The following OR1J2 variants were observed in gnomAD, a reference collection of about 807,000 sequenced individuals.
The protein encoded by OR1J2 is olfactory receptor 1J2.
For synonymous variants in OR1J2, 142 were observed against 99.7 expected (o/e 1.42, Z -2.52); for missense variants, 304 against 246.1 (o/e 1.24, Z -1.57).
the OR1J2 span, among the ~76,000 whole-genome samples, chr9:122,524,076 CATAATG>C: frequency 1.3e-5 from 2 of 152,286 alleles, no homozygotes; most frequent in African/African-American, 4.8e-5. Flanking sequence ...TCATGTGCCT[CATAATG>C]ATGTTTTGGT....
chr9:122,473,493 T>G, the OR1J2 span, among the ~76,000 whole-genome samples: 1 of 152,332 alleles, frequency 6.6e-6, no homozygotes, highest in Middle Eastern at 3.4e-3. Context: ...TGACCCCTGG[T>G]TTAATCCTGC....
chr9:122,489,479 G>A, the OR1J2 span, among the ~76,000 whole-genome samples: 2 of 151,960 alleles, frequency 1.3e-5, no homozygotes, highest in Admixed American at 6.6e-5. Flanking sequence ...ATGAAGCTTC[G>A]GTGCTAGGGT....
At chr9:122,538,169 C>A in the OR1J2 span, among the ~76,000 whole-genome samples, 1 of 150,720 alleles carries the variant, frequency 6.6e-6, no homozygotes, top group South Asian at 2.2e-4. Context: ...CCTGCCCCTG[C>A]CTGGTACAAG....
chr9:122,447,585 A>G, the OR1J2 span: 1 of 152,032 alleles, frequency 6.6e-6, no homozygotes, highest in South Asian at 2.1e-4. Flanking sequence ...CAGGAGAGAC[A>G]CTAGACTTTC....
the OR1J2 span, among the ~76,000 whole-genome samples, chr9:122,459,960 C>T: frequency 6.6e-6 from 1 of 151,932 alleles, no homozygotes. Flanking sequence ...AAAACCCATA[C>T]TTATTTTTGC....
chr9:122,505,658 C>T, the OR1J2 span, among the ~76,000 whole-genome samples: 1 of 152,160 alleles, frequency 6.6e-6, no homozygotes, highest in Non-Finnish European at 1.5e-5. Context: ...GCTATAAATA[C>T]TTCTTTATTT....
At chr9:122,512,749 T>A (rs1828654931), downstream of OR1J2, among the ~76,000 whole-genome samples, 2 of 152,150 alleles carry the variant, frequency 1.3e-5, no homozygotes, top group African/African-American at 2.4e-5. Context: ...AAGCCAAAGT[T>A]TGGAAAAAAA....
chr9:122,577,537 G>GAAACAAGTAATTAATGA, the OR1J2 span, among the ~76,000 whole-genome samples: 2 of 152,080 alleles, frequency 1.3e-5, no homozygotes, highest in Non-Finnish European at 2.9e-5. Context: ...GTAAGCATGT[G>GAAACAAGTAATTAATGA]AACAAGTAAT....
chr9:122,477,091 G>T, the OR1J2 span: 1 of 1,613,410 alleles, frequency 6.2e-7, no homozygotes, highest in Non-Finnish European at 8.5e-7. Context: ...AGTGACTGCT[G>T]TGTATATCAC....
At chr9:122,512,080 CACA>C (rs1042532777), downstream of OR1J2, among the ~76,000 whole-genome samples, 1 of 152,174 alleles carries the variant, frequency 6.6e-6, no homozygotes, top group African/African-American at 2.4e-5. Context: ...CAGGCTTTAA[CACA>C]ACATAGAATT....
chr9:122,550,755 T>C, the OR1J2 span, among the ~76,000 whole-genome samples: 1 of 151,836 alleles, frequency 6.6e-6, no homozygotes, highest in Admixed American at 6.6e-5. Context: ...TACCTAAATA[T>C]AATAAAAGCC....
At chr9:122,499,849 C>A in the OR1J2 span, among the ~76,000 whole-genome samples, 1 of 152,154 alleles carries the variant, frequency 6.6e-6, no homozygotes, top group Non-Finnish European at 1.5e-5. Context: ...GCACCACGAT[C>A]TCAGGGGAGC....
chr9:122,471,066 G>A, the OR1J2 span, among the ~76,000 whole-genome samples: 3 of 152,166 alleles, frequency 2.0e-5, no homozygotes, highest in Non-Finnish European at 4.4e-5. Flanking sequence ...AAACTTTGGG[G>A]GACTGTAGGG....
chr9:122,480,758 C>T, the OR1J2 span, among the ~76,000 whole-genome samples: 1 of 151,948 alleles, frequency 6.6e-6, no homozygotes, highest in Non-Finnish European at 1.5e-5. Context: ...TGATCTCTCC[C>T]TCCTCCCACC....
At chr9:122,560,567 A>G in the OR1J2 span, among the ~76,000 whole-genome samples, 1 of 152,136 alleles carries the variant, frequency 6.6e-6, no homozygotes, top group Non-Finnish European at 1.5e-5. Context: ...AAAGGATTTT[A>G]TTTCTCATTT....
the OR1J2 span, among the ~76,000 whole-genome samples, chr9:122,544,985 T>C: frequency 6.6e-6 from 1 of 152,172 alleles, no homozygotes; most frequent in Non-Finnish European, 1.5e-5. Context: ...GCAATAAATT[T>C]CCCTCTAAGC....
At chr9:122,508,725 A>G (rs1483712350), upstream of OR1J2, among the ~76,000 whole-genome samples, 1 of 152,192 alleles carries the variant, frequency 6.6e-6, no homozygotes, top group African/African-American at 2.4e-5. Context: ...ATATTTGGAT[A>G]TACCTGAAGT....
At chr9:122,497,324 C>G in the OR1J2 span, among the ~76,000 whole-genome samples, 1 of 152,184 alleles carries the variant, frequency 6.6e-6, no homozygotes, top group East Asian at 1.9e-4. Context: ...CAAGTTAGTC[C>G]TGCCTCCTAT....
chr9:122,528,870 A>G, the OR1J2 span, among the ~76,000 whole-genome samples: 1 of 152,222 alleles, frequency 6.6e-6, no homozygotes, highest in Non-Finnish European at 1.5e-5. Flanking sequence ...CAGGGTATCA[A>G]TGCTCTCAGA....
Sources: gnomAD v4.1 joint callset for allele counts (sites outside exome capture counted in the v4.1 genomes callset) on GRCh38, gnomAD v4.1.1 for gene constraint, MANE v1.5 for transcripts, NCBI Gene and HGNC (gene_info 2026-07-23, HGNC 2026-07-21) for gene names.